PSMA1: variants seen among roughly 807,000 people sequenced by gnomAD.
The protein encoded by PSMA1 is proteasome 20S subunit alpha 1.
Under a neutral mutation model 38.4 loss-of-function variants are expected in PSMA1, and 3 were observed. That is an observed-to-expected ratio of 0.08 (90% CI 0.04 to 0.20). The LOEUF (loss-of-function observed/expected upper bound fraction) is 0.20, where lower values mean the gene tolerates loss of function less well. Among genes scored for constraint, PSMA1 ranks in the 10% least tolerant of loss-of-function variants. The pLI, the probability that PSMA1 is intolerant of heterozygous loss-of-function variation, is 1.00. For missense variants in PSMA1, 227 were observed against 325.3 expected, an observed-to-expected ratio of 0.70 and a Z score of 2.32; for synonymous variants, 101 against 107.1, an observed-to-expected ratio of 0.94 and a Z score of 0.35.
chr11:14,597,005 C>A (rs12798939), intron 2 of PSMA1, among the ~76,000 whole-genome samples: 1 of 152,050 alleles, frequency 6.6e-6, no homozygotes, highest in Admixed American at 6.6e-5. Context: ...GAGATAATCA[C>A]GTGGTTTTTC....
At chr11:14,553,611 A>G (rs780244369) in intron 2 of PSMA1, among the ~76,000 whole-genome samples, 1 of 151,790 alleles carries the variant, frequency 6.6e-6, no homozygotes, top group Non-Finnish European at 1.5e-5. Context: ...ACTCAGCATA[A>G]TTTTCTTGAG....
chr11:14,612,416 G>A (rs1024039244), intron 1 of PSMA1, among the ~76,000 whole-genome samples: 12 of 152,044 alleles, frequency 7.9e-5, no homozygotes, highest in African/African-American at 2.4e-4. Flanking sequence ...GATCATATAT[G>A]TATTATCGTG....
rs376514814 is a variant in PSMA1, at chr11:14,505,277, T to C, written c.736-29A>G. 46 of 1,586,544 alleles carry C rather than the reference T, an allele frequency of 2.9e-5. No homozygotes were observed. In the African/African-American group the frequency reaches 4.3e-4, roughly 15 times the overall value. On this transcript the variant is annotated intron_variant, in intron 9 of 9. Transcript: ENST00000396394. The stretch of plus-strand genomic sequence containing the variant: ...AACAGGGAAAGAAAAAAAGAAAATA[T>C]GTAAAATGAACACTTGATCAATATA...
intron 1 of PSMA1, among the ~76,000 whole-genome samples, chr11:14,634,184 A>C (rs1221077217): frequency 6.6e-6 from 1 of 152,170 alleles, no homozygotes; most frequent in Admixed American, 6.5e-5. Flanking sequence ...TTTCATCCCA[A>C]AATCATCCCC....
At chr11:14,532,512 G>T (rs1851658615) in intron 2 of PSMA1, among the ~76,000 whole-genome samples, 1 of 151,152 alleles carries the variant, frequency 6.6e-6, no homozygotes, top group Admixed American at 6.6e-5. Flanking sequence ...GGCTGAGGCA[G>T]AAGAATTGCT....
chr11:14,540,881 T>C (rs1259534603), intron 2 of PSMA1, among the ~76,000 whole-genome samples: 1 of 151,000 alleles, frequency 6.6e-6, no homozygotes, highest in Non-Finnish European at 1.5e-5. Context: ...GTATGAAAAA[T>C]GTTATAAAGT....
chr11:14,607,164 A>G (rs892396710), intron 2 of PSMA1, among the ~76,000 whole-genome samples: 1 of 152,272 alleles, frequency 6.6e-6, no homozygotes, highest in Non-Finnish European at 1.5e-5. Context: ...GAGAGCCGAC[A>G]GGAGTATTGT....
At chr11:14,629,525 A>G (rs1350400880) in intron 1 of PSMA1, among the ~76,000 whole-genome samples, 2 of 151,634 alleles carry the variant, frequency 1.3e-5, no homozygotes, top group Non-Finnish European at 3.0e-5. Context: ...CCATTGATCT[A>G]TATCTCTGTT....
At chr11:14,624,729 A>T (rs1404463158) in intron 1 of PSMA1, among the ~76,000 whole-genome samples, 1 of 152,198 alleles carries the variant, frequency 6.6e-6, no homozygotes, top group Non-Finnish European at 1.5e-5. Flanking sequence ...GACAATAAGG[A>T]TAGGAATATG....
intron 2 of PSMA1, among the ~76,000 whole-genome samples, chr11:14,606,229 T>C (rs1467190555): frequency 6.6e-6 from 1 of 152,202 alleles, no homozygotes; most frequent in African/African-American, 2.4e-5. Context: ...TCTGTTCCAT[T>C]GGTCTATGTG....
In PSMA1 at chr11:14,558,355, G is replaced by T. The variant is rs551930129; in HGVS notation, c.22-39314C>A. The stretch of plus-strand genomic sequence containing the variant: ...CACTTGAGCCTAGGAGATCAAGGCT[G>T]CAGTGAGCTATGATTGTGCCACTGC... On this transcript the variant is annotated intron_variant, in intron 2 of 10. Transcript: ENST00000418988. Among the ~76,000 whole-genome samples, 7 of 152,148 alleles carry T rather than the reference G, an allele frequency of 4.6e-5. No individual in the cohort carries two copies. In the South Asian group the frequency reaches 1.5e-3, roughly 32 times the overall value.
In PSMA1 at chr11:14,606,931, C is replaced by T. The variant is rs1322925229; in HGVS notation, c.21+4035G>A. 3.3e-5 allele frequency among the ~76,000 whole-genome samples: 5 copies of T among 152,152 alleles called. No homozygotes were observed. In the East Asian group the frequency reaches 9.6e-4, roughly 29 times the overall value. On this transcript the variant is annotated intron_variant, in intron 2 of 10. Coordinates refer to the PSMA1 transcript ENST00000418988. ...ATAATAGGCTTACTGACACATAGCC[C>T]CAGGCATACAGACCAGCTGGACCTG...
rs187642550 is a variant in PSMA1, at chr11:14,519,098, T to G, written c.4-57A>C. 1.1e-4 allele frequency: 139 copies of G among 1,319,658 alleles called. No individual in the cohort carries two copies. The African/African-American group carries it at 1.6e-3, about 15-fold the overall frequency. 81.7% of individuals were successfully genotyped at this position (1,319,658 alleles called of 1,614,324 possible). A position where few individuals can be genotyped will look rare whatever the true frequency, so the allele number is the denominator to read the frequency against. On this transcript the variant is annotated intron_variant, in intron 1 of 9. Coordinates refer to ENST00000396394, the MANE Select transcript of PSMA1 (RefSeq NM_002786.4). The stretch of plus-strand genomic sequence containing the variant: ...AGAAGAACATTTCAAATCCCAACTC[T>G]TAACATTCATTAAGAAATATGCTTG...
At chr11:14,570,407 A>T (rs1264614668) in intron 2 of PSMA1, among the ~76,000 whole-genome samples, 1 of 152,202 alleles carries the variant, frequency 6.6e-6, no homozygotes, top group Non-Finnish European at 1.5e-5. Flanking sequence ...ATCAGTAATA[A>T]CAACCTTCTC....
intron 2 of PSMA1, chr11:14,610,861 C>G: frequency 8.7e-7 from 1 of 1,151,386 alleles, no homozygotes; most frequent in Non-Finnish European, 1.3e-6. Flanking sequence ...CCTAGAGATG[C>G]GTTTTTCTCA....
chr11:14,553,572 C>A (rs913921622), intron 2 of PSMA1, among the ~76,000 whole-genome samples: 1 of 152,042 alleles, frequency 6.6e-6, no homozygotes, highest in African/African-American at 2.4e-5. Flanking sequence ...CATACAATAT[C>A]CAACCTTTGA....
intron 2 of PSMA1, among the ~76,000 whole-genome samples, chr11:14,578,336 G>C (rs1209321076): frequency 6.6e-6 from 1 of 152,182 alleles, no homozygotes; most frequent in African/African-American, 2.4e-5. Context: ...GGCTGGGCTT[G>C]AGAGTGTCAG....
intron 2 of PSMA1, among the ~76,000 whole-genome samples, chr11:14,584,500 GTTTTTTGT>G (rs1244360156): frequency 1.5e-5 from 2 of 133,666 alleles, no homozygotes; most frequent in African/African-American, 3.0e-5. Context: ...TGTTTTTTTT[GTTTTTTGT>G]TTTTTTTTTT....
In PSMA1 at chr11:14,566,775, G is replaced by A. The variant is rs117724954; in HGVS notation, c.21+44191C>T. Among the ~76,000 whole-genome samples, 571 of 152,172 alleles carry A rather than the reference G, an allele frequency of 3.8e-3. 5 individuals are homozygous for A. The highest frequency in any genetic ancestry group is 4.3e-3 in the Non-Finnish European group (289 of 68,000). On this transcript the variant is annotated intron_variant, in intron 2 of 10. Transcript: ENST00000418988. The stretch of plus-strand genomic sequence containing the variant: ...GCAGAAACCATGAATAAACAGGAGC[G>A]CTGAGCAAACAGAAGCCACAAGGCA...
Sources: gnomAD v4.1 joint callset for allele counts (sites outside exome capture counted in the v4.1 genomes callset) on GRCh38, gnomAD v4.1.1 for gene constraint, MANE v1.5 for transcripts, NCBI Gene and HGNC (gene_info 2026-07-23, HGNC 2026-07-21) for gene names.